The following COL1A2 variants were observed in gnomAD, a reference collection of about 807,000 sequenced individuals.
COL1A2 encodes the protein collagen type I alpha 2 chain.
A neutral mutation model predicts 174.3 loss-of-function variants in COL1A2; 49 were observed. That is an observed-to-expected ratio of 0.28 (90% CI 0.22 to 0.36). COL1A2 has a LOEUF of 0.36. COL1A2 is among the 10% of genes least tolerant of loss of function. The probability of loss-of-function intolerance (pLI) is 1.00; values close to 1 mark genes in which losing one functional copy is unlikely to be tolerated. For missense variants in COL1A2, 1,438 were observed against 1,822.7 expected (o/e 0.79, Z 3.84); for synonymous variants, 655 against 606.6 (o/e 1.08, Z -1.17).
chr7:94,396,959 T>A (rs957380112), intron 1 of COL1A2, among the ~76,000 whole-genome samples: 7 of 152,196 alleles, frequency 4.6e-5, no homozygotes, highest in African/African-American at 1.7e-4. Context: ...CTTTAAGGAC[T>A]TATAACAATT....
At chr7:94,425,350 C>A in intron 42 of COL1A2, 126 bp downstream of exon 42, 1 of 941,722 alleles carries the variant, frequency 1.1e-6, no homozygotes, top group Non-Finnish European at 1.7e-6. Flanking sequence ...TCCATAGTAT[C>A]TACACCTAGT....
rs1356519143 is a variant in COL1A2 at position 94,430,250 on chromosome 7, A to C, written c.3958A>C (p.Lys1320Gln). ...YTVLVDGCSK[K>Q]TNEWGKTIIE... Reference sequence around the variant, plus strand: ...CTATTTTCTTCTCTTTAAACAGAAAAAGACAAATGAATGGGGAAAGACAAT... The same window carrying C: ...CTATTTTCTTCTCTTTAAACAGAAACAGACAAATGAATGGGGAAAGACAAT... Residue 1320 changes from lysine (K) to glutamine (Q), a missense_variant, in exon 52 of 52, where the codon AAG (lysine) becomes CAG (glutamine). Physicochemically the swap from Lys to Gln is moderately conservative, Grantham distance 53 (BLOSUM62 1). Around this residue, in one of 3 missense-constraint regions of COL1A2, gnomAD observed 290 missense variants for 298.1 expected, o/e 0.97. Coordinates refer to ENST00000297268, the MANE Select transcript of COL1A2 (RefSeq NM_000089.4). The C allele has an allele frequency of 4.3e-6, 7 of 1,613,924 alleles. No homozygotes were observed. Among genetic ancestry groups the C allele is most frequent in the Non-Finnish European group, 5.9e-6 (7 of 1,179,840 alleles).
At chr7:94,416,317 A>G in intron 30 of COL1A2, 88 bp from the exon 31 acceptor site, 1 of 1,164,420 alleles carries the variant, frequency 8.6e-7, no homozygotes, top group Non-Finnish European at 1.2e-6. Flanking sequence ...CAGGGCTCGG[A>G]AGCTACACAA....
intron 27 of COL1A2, 55 bp from the exon 28 acceptor site, chr7:94,413,839 A>C (rs1451784735): frequency 8.7e-6 from 14 of 1,609,568 alleles, no homozygotes; most frequent in African/African-American, 2.7e-5. Context: ...TTATACAGCT[A>C]GACAACAGTG....
At chr7:94,429,585 A>G (rs142418375) in intron 51 of COL1A2, 155 bp downstream of exon 51, 1 of 686,758 alleles carries the variant, frequency 1.5e-6, no homozygotes, top group East Asian at 2.7e-5. Flanking sequence ...TTTTGTATGT[A>G]TTTTATATTT....
intron 40 of COL1A2, 72 bp from the exon 41 acceptor site, chr7:94,424,262 TCA>T (rs1792228517): frequency 3.1e-6 from 4 of 1,285,384 alleles, no homozygotes; most frequent in Non-Finnish European, 4.5e-6. Context: ...CAGTTTATTC[TCA>T]CAATCTTCAA....
In COL1A2 at chr7:94,429,422, G is replaced by A. The variant is rs2115967160; in HGVS notation, c.3946G>A (p.Gly1316Ser). ...GTTCACTTACACTGTTCTTGTAGAT[G>A]GCTGCTCTGTAAGTAATAGTGAAAT... is the stretch of plus-strand genomic sequence containing the variant. ...SRFTYTVLVD[G>S]CSKKTNEWGK... The change falls in exon 51 of 52, where the codon GGC (glycine) becomes AGC (serine). Residue 1316 changes from glycine (G) to serine (S), a missense_variant. Gly to Ser is a moderately conservative substitution (Grantham distance 56). Around this residue, in one of 3 missense-constraint regions of COL1A2, gnomAD observed 290 missense variants for 298.1 expected, o/e 0.97. Transcript: ENST00000297268. 1.2e-6 allele frequency: 2 copies of A among 1,614,006 alleles called. No homozygotes were observed. The highest frequency in any genetic ancestry group is 1.7e-6 in the Non-Finnish European group (2 of 1,179,982).
At chr7:94,412,809 G>C in intron 25 of COL1A2, 127 bp downstream of exon 25, 1 of 850,724 alleles carries the variant, frequency 1.2e-6, no homozygotes, top group Admixed American at 2.0e-5. Flanking sequence ...GAAAACTGCA[G>C]GCCACTTATC....
intron 23 of COL1A2, 60 bp from the exon 24 acceptor site, chr7:94,412,008 C>G (rs1791938354): frequency 7.0e-7 from 1 of 1,438,352 alleles, no homozygotes; most frequent in East Asian, 2.4e-5. Context: ...TTCAGTTAAT[C>G]TAAGGCTTGA....
intron 31 of COL1A2, among the ~76,000 whole-genome samples, chr7:94,417,108 G>A (rs1308828521): frequency 6.6e-6 from 1 of 152,096 alleles, no homozygotes; most frequent in Non-Finnish European, 1.5e-5. Context: ...GTAAACATTA[G>A]TTGCAAAAAG....
At chr7:94,416,013 T>C (rs1792035115) in intron 30 of COL1A2, among the ~76,000 whole-genome samples, 1 of 152,126 alleles carries the variant, frequency 6.6e-6, no homozygotes, top group African/African-American at 2.4e-5. Context: ...GAATATCTAA[T>C]GTTATCTACA....
intron 50 of COL1A2, among the ~76,000 whole-genome samples, 185 bp from the exon 51 acceptor site, chr7:94,429,003 A>C (rs141753957): frequency 1.3e-5 from 2 of 152,220 alleles, no homozygotes; most frequent in East Asian, 3.9e-4. Flanking sequence ...TCTTATGTTC[A>C]TCTAGGTAAC....
chr7:94,425,933 G>A (rs1792264372), intron 44 of COL1A2, 65 bp from the exon 45 acceptor site: 3 of 1,601,840 alleles, frequency 1.9e-6, no homozygotes, highest in African/African-American at 1.3e-5. Flanking sequence ...ACTTGGGGAT[G>A]GTGGAGGAGT....
At chr7:94,418,635 TAC>T in intron 33 of COL1A2, 83 bp downstream of exon 33, 1 of 1,036,786 alleles carries the variant, frequency 9.6e-7, no homozygotes, top group Admixed American at 1.9e-5. Flanking sequence ...AAATTAGAAC[TAC>T]ACACACTTTA....
At chr7:94,420,789 C>A in intron 37 of COL1A2, 141 bp downstream of exon 37, 1 of 922,696 alleles carries the variant, frequency 1.1e-6, no homozygotes, top group Non-Finnish European at 1.7e-6. Flanking sequence ...AACATTTGCA[C>A]ACTGCTTTAC....
chr7:94,408,968 C>T, intron 16 of COL1A2, 145 bp downstream of exon 16: 1 of 812,850 alleles, frequency 1.2e-6, no homozygotes, highest in Non-Finnish European at 2.1e-6. Flanking sequence ...ATAGAATGAC[C>T]AGTTTTCTCA....
chr7:94,422,815 C>A, intron 39 of COL1A2, 142 bp from the exon 40 acceptor site: 1 of 1,069,058 alleles, frequency 9.4e-7, no homozygotes, highest in South Asian at 1.4e-5. Flanking sequence ...AGGTTAAAAA[C>A]TATAAATATT....
At chr7:94,424,497 C>A in intron 41 of COL1A2, 54 bp downstream of exon 41, 1 of 1,486,080 alleles carries the variant, frequency 6.7e-7, no homozygotes, top group Non-Finnish European at 9.4e-7. Flanking sequence ...ATTTTAAAAG[C>A]TGCCACTTCA....
chr7:94,397,891 T>C, intron 2 of COL1A2, 133 bp downstream of exon 2: 1 of 594,032 alleles, frequency 1.7e-6, no homozygotes, highest in Admixed American at 3.2e-5. Flanking sequence ...TGAAGAATTA[T>C]GATAGTCAAA....
Sources: gnomAD v4.1 joint callset for allele counts (sites outside exome capture counted in the v4.1 genomes callset) on GRCh38, gnomAD v4.1.1 for gene constraint, gnomAD v4.1.1 regional missense constraint, MANE v1.5 for transcripts, NCBI Gene and HGNC (gene_info 2026-07-23, HGNC 2026-07-21) for gene names.